Variants in DGKB observed in about 807,000 individuals in gnomAD.
The protein encoded by DGKB is diacylglycerol kinase beta, also known as 90 kDa diacylglycerol kinase.
DGKB carries 67 observed loss-of-function variants against 114.3 expected under a neutral mutation model. The observed-to-expected ratio is 0.59, with a 90% CI of 0.48 to 0.72. The LOEUF is 0.72. Among genes scored for constraint, DGKB ranks in the 30% least tolerant of loss-of-function variants. The pLI is 0.00. For synonymous variants in DGKB, 398 were observed against 323.1 expected, an observed-to-expected ratio of 1.23 and a Z score of -2.49; for missense variants, 907 against 975.2, an observed-to-expected ratio of 0.93 and a Z score of 0.93.
chr7:14,153,575 C>T (rs187405078), intron 25 of DGKB, among the ~76,000 whole-genome samples: 140 of 152,072 alleles, frequency 9.2e-4, no homozygotes, highest in Non-Finnish European at 1.7e-3. Context: ...TCTCAAATCT[C>T]CTGGGCCCTC....
At chr7:14,704,755 G>A (rs556615763) in intron 6 of DGKB, among the ~76,000 whole-genome samples, 4,069 of 152,100 alleles carry the variant, frequency 0.027, 82 homozygotes, top group South Asian at 0.049. Flanking sequence ...TGCAGCTGAG[G>A]GTCCTGTCTG....
At chr7:14,282,963 T>G (rs1800225924) in intron 23 of DGKB, among the ~76,000 whole-genome samples, 2 of 151,928 alleles carry the variant, frequency 1.3e-5, no homozygotes, top group Non-Finnish European at 2.9e-5. Context: ...AAGACAGGGA[T>G]GCCCTCTCTC....
chr7:14,228,312 G>A lies in DGKB; in HGVS notation c.2123-50161C>T, dbSNP rs145521272. Among the ~76,000 whole-genome samples the A allele has an allele frequency of 1.2e-3, 189 of 152,076 alleles. 1 individual carries two copies. The highest frequency in any genetic ancestry group is 4.4e-3 in the African/African-American group (182 of 41,530). ...GAAGGACAAAGACAAAGTTGTTGCT[G>A]GACATGCTCTGGCACATAGGCCACC... is the stretch of plus-strand genomic sequence containing the variant. On this transcript the variant is annotated intron_variant, in intron 23 of 25. Transcript: ENST00000402815.
intron 23 of DGKB, among the ~76,000 whole-genome samples, chr7:14,278,761 T>C (rs1313679241): frequency 6.6e-6 from 1 of 151,948 alleles, no homozygotes; most frequent in Non-Finnish European, 1.5e-5. Flanking sequence ...AGCAAAATAA[T>C]AATAATGAGA....
chr7:14,506,807 C>T (rs1787150264), intron 20 of DGKB, among the ~76,000 whole-genome samples: 1 of 152,168 alleles, frequency 6.6e-6, no homozygotes. Context: ...TGCTGGTACT[C>T]CTTGATACCC....
At chr7:14,347,979 T>G (rs540720441) in intron 21 of DGKB, among the ~76,000 whole-genome samples, 1 of 152,162 alleles carries the variant, frequency 6.6e-6, no homozygotes, top group African/African-American at 2.4e-5. Flanking sequence ...CATGCAGTTG[T>G]AAAAAGTAAC....
chr7:14,920,891 G>A (rs1784482368), intron 1 of DGKB, among the ~76,000 whole-genome samples: 1 of 152,042 alleles, frequency 6.6e-6, no homozygotes, highest in African/African-American at 2.4e-5. Context: ...AGCCTGAAAA[G>A]ACTCCCATAC....
chr7:14,657,524 T>C (rs1282177017), intron 13 of DGKB, among the ~76,000 whole-genome samples: 2 of 151,936 alleles, frequency 1.3e-5, no homozygotes, highest in African/African-American at 4.8e-5. Context: ...GAACGTTGCA[T>C]AGGCACAAAC....
chr7:14,527,473 A>C (rs1160295785), intron 20 of DGKB, among the ~76,000 whole-genome samples: 1 of 152,104 alleles, frequency 6.6e-6, no homozygotes, highest in East Asian at 1.9e-4. Context: ...ATAAACATCC[A>C]AATTTCTGGC....
intron 23 of DGKB, among the ~76,000 whole-genome samples, chr7:14,318,404 A>G (rs1807046724): frequency 6.6e-6 from 1 of 152,200 alleles, no homozygotes; most frequent in African/African-American, 2.4e-5. Context: ...AAGGGCTAAT[A>G]TCCAGAATTT....
At chr7:14,904,068 T>C (rs1783511813), upstream of DGKB, among the ~76,000 whole-genome samples, 2 of 152,178 alleles carry the variant, frequency 1.3e-5, no homozygotes, top group African/African-American at 2.4e-5. Context: ...ATAAAAAATA[T>C]GACATTCGGC....
chr7:14,183,147 G>T (rs972208814), intron 23 of DGKB, among the ~76,000 whole-genome samples: 1 of 152,160 alleles, frequency 6.6e-6, no homozygotes, highest in Non-Finnish European at 1.5e-5. Flanking sequence ...GCCTTCCAGT[G>T]ATGTTTCATT....
At chr7:14,669,055 T>G (rs1487041383) in intron 13 of DGKB, among the ~76,000 whole-genome samples, 2 of 152,122 alleles carry the variant, frequency 1.3e-5, no homozygotes, top group African/African-American at 4.8e-5. Context: ...TTTGAACAAT[T>G]TTGTTCCCAC....
intron 21 of DGKB, among the ~76,000 whole-genome samples, chr7:14,461,151 A>G (rs199679535): frequency 1.3e-5 from 2 of 152,312 alleles, no homozygotes; most frequent in East Asian, 3.9e-4. Flanking sequence ...AAGAGCAGGA[A>G]AGGTCTAAAA....
intron 21 of DGKB, among the ~76,000 whole-genome samples, chr7:14,428,557 C>G (rs1361578633): frequency 6.6e-6 from 1 of 152,014 alleles, no homozygotes; most frequent in Non-Finnish European, 1.5e-5. Context: ...TTCTTTTTCT[C>G]TTTTTGTTTT....
In DGKB at chr7:14,485,300, G is replaced by GGTGTGTGTGT. The variant is rs60976022; in HGVS notation, c.1771-7085_1771-7076dup. ...TGTCTTTTAGAACTAATGCTCATGA[G>GGTGTGTGTGT]GTGTGTGTGTGTGTGTGTGTGTGTG... On this transcript the variant is annotated intron_variant, in intron 20 of 25. Coordinates refer to ENST00000402815, the MANE Select transcript of DGKB (RefSeq NM_001350709.2). 1.3e-3 allele frequency among the ~76,000 whole-genome samples: 178 copies of GGTGTGTGTGT among 141,986 alleles called. 1 individual carries two copies. The East Asian group carries it at 0.016, about 13-fold the overall frequency. The allele number at this position is 141,986 out of a possible 152,430, so 93.1% of individuals were successfully genotyped here.
chr7:14,535,204 C>CA lies in DGKB; in HGVS notation c.1770+39007dup, dbSNP rs201353484. Among the ~76,000 whole-genome samples, 697 of 151,646 alleles carry CA rather than the reference C, an allele frequency of 4.6e-3. 2 individuals carry two copies. Among genetic ancestry groups the CA allele is most frequent in the African/African-American group, 0.014 (594 of 41,390 alleles). ...GTCAACACAGTGAGAACTGTCTCAA[C>CA]AAAAAAACAAAATAATTAGCCAGGC... On this transcript the variant is annotated intron_variant, in intron 20 of 25. Coordinates refer to ENST00000402815, the MANE Select transcript of DGKB (RefSeq NM_001350709.2).
chr7:14,695,575 T>C (rs972925801), intron 8 of DGKB, among the ~76,000 whole-genome samples: 4 of 139,204 alleles, frequency 2.9e-5, no homozygotes, highest in Non-Finnish European at 3.0e-5. Flanking sequence ...TCTGGGCTCA[T>C]AGCAAGCTCC....
chr7:14,296,881 C>G (rs1011826696), intron 23 of DGKB, among the ~76,000 whole-genome samples: 1 of 150,110 alleles, frequency 6.7e-6, no homozygotes, highest in Non-Finnish European at 1.5e-5. Context: ...GATATCATTA[C>G]TGATCCCACA....
Sources: gnomAD v4.1 joint callset for allele counts (sites outside exome capture counted in the v4.1 genomes callset) on GRCh38, gnomAD v4.1.1 for gene constraint, MANE v1.5 for transcripts, NCBI Gene and HGNC (gene_info 2026-07-23, HGNC 2026-07-21) for gene names.